VRK3: variants seen among roughly 807,000 people sequenced by gnomAD.
VRK3 encodes the protein VRK serine/threonine kinase 3, also known as serine/threonine-protein kinase VRK3.
In VRK3, 50 loss-of-function variants were observed where a neutral mutation model predicts 60.4. That is an observed-to-expected ratio of 0.83 (90% CI 0.66 to 1.05). The LOEUF (loss-of-function observed/expected upper bound fraction) is 1.05, where lower values mean the gene tolerates loss of function less well. Among genes scored for constraint, VRK3 ranks in the 50% least tolerant of loss-of-function variants. The pLI is 0.00. For synonymous variants in VRK3, 246 were observed against 227.8 expected (o/e 1.08, Z -0.72); for missense variants, 549 against 585.3 (o/e 0.94, Z 0.64).
At chr19:49,981,778 C>T (rs988148403) in intron 12 of VRK3, 1 of 1,040,614 alleles carries the variant, frequency 9.6e-7, no homozygotes, top group Non-Finnish European at 1.2e-6. Context: ...CCCACCCGTC[C>T]CAAGCACACA....
chr19:50,016,382 T>C (rs1234269827), intron 2 of VRK3, among the ~76,000 whole-genome samples: 1 of 152,214 alleles, frequency 6.6e-6, no homozygotes, highest in Non-Finnish European at 1.5e-5. Context: ...CCAGGTTCCC[T>C]TGCAGCAAGG....
chr19:50,004,521 G>A (rs1054239405), intron 5 of VRK3, among the ~76,000 whole-genome samples: 2 of 152,190 alleles, frequency 1.3e-5, no homozygotes, highest in Admixed American at 6.5e-5. Context: ...CCTTGGGCAA[G>A]TAGCTTCCTC....
At chr19:50,019,748 C>T (rs2077140977) in intron 2 of VRK3, among the ~76,000 whole-genome samples, 1 of 127,768 alleles carries the variant, frequency 7.8e-6, no homozygotes, top group African/African-American at 2.9e-5. Context: ...CTATGTTGCC[C>T]TGGTCTCGAA....
intron 5 of VRK3, 71 bp from the exon 6 acceptor site, chr19:50,000,925 C>T: frequency 6.8e-7 from 1 of 1,473,700 alleles, no homozygotes; most frequent in South Asian, 1.2e-5. Context: ...CCCAAACTTC[C>T]CAGCAATGAG....
chr19:50,013,315 T>C (rs1311859237), intron 3 of VRK3, among the ~76,000 whole-genome samples: 2 of 152,364 alleles, frequency 1.3e-5, no homozygotes, highest in Admixed American at 1.3e-4. Context: ...ATGCTAAGGA[T>C]GGCTCAGTGC....
At chr19:49,988,209 G>T in intron 12 of VRK3, 163 bp downstream of exon 12, 1 of 1,112,350 alleles carries the variant, frequency 9.0e-7, no homozygotes, top group Non-Finnish European at 1.2e-6. Flanking sequence ...TGCCTCGCCT[G>T]CTGTGTGGAC....
At chr19:49,995,329 A>G in intron 7 of VRK3, 54 bp from the exon 8 acceptor site, 1 of 1,517,850 alleles carries the variant, frequency 6.6e-7, no homozygotes, top group Non-Finnish European at 9.1e-7. Context: ...AGCCCATGGC[A>G]GTAAGAGCTA....
In VRK3 at chr19:49,981,152, G is replaced by A. The variant is rs1486201294; in HGVS notation, c.1218-139C>T. On this transcript the variant is annotated intron_variant, in intron 12 of 14. Coordinates refer to ENST00000316763, the MANE Select transcript of VRK3 (RefSeq NM_016440.4). ...CATCCAGGGAAGTTATGTTCTTAAA[G>A]TCACTGTGAACACTGAATCAACCAA... 8.7e-6 allele frequency: 7 copies of A among 800,780 alleles called. No homozygotes were observed. The Admixed American group carries it at 1.1e-4, about 12-fold the overall frequency. The allele number at this position is 800,780 out of a possible 1,614,324, so 49.6% of individuals were successfully genotyped here. A position where few individuals can be genotyped will look rare whatever the true frequency, so the allele number is the denominator to read the frequency against.
At chr19:49,980,879 A>G (rs2076410443) in intron 13 of VRK3, 76 bp downstream of exon 13, 4 of 1,367,214 alleles carry the variant, frequency 2.9e-6, no homozygotes, top group Middle Eastern at 2.0e-4. Flanking sequence ...GTGTAAGGAG[A>G]AGCCACCCCA....
At chr19:49,978,167 T>A (rs2076363159) in intron 14 of VRK3, among the ~76,000 whole-genome samples, 1 of 152,108 alleles carries the variant, frequency 6.6e-6, no homozygotes, top group Admixed American at 6.6e-5. Context: ...TCACAGGATG[T>A]CAGGCAGCAT....
At chr19:50,012,496 C>G (rs2077011198) in intron 3 of VRK3, among the ~76,000 whole-genome samples, 1 of 152,186 alleles carries the variant, frequency 6.6e-6, no homozygotes. Context: ...ACAAATACAG[C>G]ACCTCAGCAC....
At chr19:49,986,789 G>C (rs555547322) in intron 12 of VRK3, 2 of 152,232 alleles carry the variant, frequency 1.3e-5, no homozygotes, top group South Asian at 4.2e-4. Context: ...CCTCTCCTGG[G>C]GCTTCAGCTG....
intron 5 of VRK3, 134 bp from the exon 6 acceptor site, chr19:50,000,988 A>G (rs1410452452): frequency 1.1e-5 from 8 of 718,878 alleles, no homozygotes; most frequent in Admixed American, 3.0e-5. Flanking sequence ...CTTGGCTCTC[A>G]CGACTTGCTG....
intron 5 of VRK3, among the ~76,000 whole-genome samples, chr19:50,002,292 A>AGG (rs141724231): frequency 0.052 from 7,957 of 152,190 alleles, 680 homozygotes; most frequent in African/African-American, 0.18. Flanking sequence ...CAGCTGGAAC[A>AGG]GGGTTGGGAG....
intron 14 of VRK3, among the ~76,000 whole-genome samples, chr19:49,978,033 C>T (rs1398071186): frequency 6.6e-6 from 1 of 152,170 alleles, no homozygotes; most frequent in African/African-American, 2.4e-5. Flanking sequence ...CGCCGGGAGA[C>T]AGGCCGTCAA....
rs1022747008 is a variant in VRK3, at chr19:50,021,516, A to G, written c.-64-869T>C. 1.1e-4 allele frequency among the ~76,000 whole-genome samples: 17 copies of G among 152,314 alleles called. No individual in the cohort carries two copies. In the South Asian group the frequency reaches 3.1e-3, roughly 28 times the overall value. On this transcript the variant is annotated intron_variant, in intron 1 of 14. Transcript: ENST00000316763. ...CATGGAGAGGCTCAGGTGGAGAGGA[A>G]CTGAGGCCCCTGGCCAACAGCCACC... is the stretch of plus-strand genomic sequence containing the variant.
chr19:49,997,602 C>A, intron 6 of VRK3, 32 bp from the exon 7 acceptor site: 1 of 1,612,346 alleles, frequency 6.2e-7, no homozygotes, highest in South Asian at 1.1e-5. Context: ...AGAAGGCTGT[C>A]ACACTGAAGT....
intron 5 of VRK3, chr19:50,001,058 A>T: frequency 1.8e-6 from 1 of 559,690 alleles, no homozygotes; most frequent in Non-Finnish European, 3.2e-6. Flanking sequence ...CCAGCCATGC[A>T]GGAAGGGCTA....
chr19:50,011,508 A>G (rs889552975), intron 3 of VRK3, among the ~76,000 whole-genome samples: 3 of 152,212 alleles, frequency 2.0e-5, no homozygotes, highest in African/African-American at 7.2e-5. Flanking sequence ...GAGAAGCCAC[A>G]GAAATCTTTC....
Sources: gnomAD v4.1 joint callset for allele counts (sites outside exome capture counted in the v4.1 genomes callset) on GRCh38, gnomAD v4.1.1 for gene constraint, MANE v1.5 for transcripts, NCBI Gene and HGNC (gene_info 2026-07-23, HGNC 2026-07-21) for gene names.